The following KLHL1 variants were observed in gnomAD, a reference collection of about 807,000 sequenced individuals.
The protein encoded by KLHL1 is kelch like family member 1.
Under a neutral mutation model 77.7 loss-of-function variants are expected in KLHL1, and 47 were observed. The observed-to-expected ratio is 0.60, with a 90% CI of 0.48 to 0.77. KLHL1 has a LOEUF of 0.77. Ranked by LOEUF, KLHL1 falls within the 30% of genes least tolerant of loss-of-function variation. The pLI, the probability that KLHL1 is intolerant of heterozygous loss-of-function variation, is 0.00. For synonymous variants in KLHL1, 360 were observed against 325.2 expected (o/e 1.11, Z -1.15); for missense variants, 925 against 910.8 (o/e 1.02, Z -0.20).
intron 5 of KLHL1, among the ~76,000 whole-genome samples, chr13:69,872,851 C>T (rs906623308): frequency 4.0e-5 from 6 of 151,492 alleles, no homozygotes; most frequent in African/African-American, 1.5e-4. Context: ...AGGGACAGCA[C>T]CAGCCATTCA....
intron 5 of KLHL1, among the ~76,000 whole-genome samples, chr13:69,845,651 A>G (rs2138121971): frequency 6.6e-6 from 1 of 151,764 alleles, no homozygotes; most frequent in Non-Finnish European, 1.5e-5. Context: ...CACACAAAAA[A>G]TGAGATACTG....
At chr13:69,711,393 A>G (rs1456389631) in intron 9 of KLHL1, among the ~76,000 whole-genome samples, 1 of 152,126 alleles carries the variant, frequency 6.6e-6, no homozygotes. Context: ...AAAGAATGGC[A>G]CATAGATTTC....
intron 1 of KLHL1, among the ~76,000 whole-genome samples, chr13:70,071,374 G>A (rs1887133823): frequency 6.6e-6 from 1 of 151,976 alleles, no homozygotes; most frequent in Non-Finnish European, 1.5e-5. Flanking sequence ...AAAACTGACA[G>A]AACTCCAAGG....
chr13:69,712,771 T>G (rs1174451654), intron 9 of KLHL1, among the ~76,000 whole-genome samples: 34 of 134,554 alleles, frequency 2.5e-4, no homozygotes, highest in Middle Eastern at 3.5e-3. Context: ...TTTTTTTTTT[T>G]TGGGGGGGGG....
At chr13:69,835,949 GA>G (rs1878970501) in intron 6 of KLHL1, among the ~76,000 whole-genome samples, 1 of 152,030 alleles carries the variant, frequency 6.6e-6, no homozygotes, top group African/African-American at 2.4e-5. Context: ...AAACATGATG[GA>G]TTAGTTTGTA....
At chr13:69,965,331 T>C (rs1884181943) in intron 2 of KLHL1, among the ~76,000 whole-genome samples, 1 of 152,228 alleles carries the variant, frequency 6.6e-6, no homozygotes, top group African/African-American at 2.4e-5. Flanking sequence ...TTTATTGTTA[T>C]GTCTGTTACA....
At chr13:70,095,619 A>G (rs1887770763) in intron 1 of KLHL1, among the ~76,000 whole-genome samples, 1 of 152,170 alleles carries the variant, frequency 6.6e-6, no homozygotes, top group Non-Finnish European at 1.5e-5. Context: ...ATAATATGTA[A>G]TGATCAAATC....
intron 1 of KLHL1, among the ~76,000 whole-genome samples, chr13:70,029,262 A>G (rs1405196146): frequency 2.6e-5 from 4 of 152,114 alleles, no homozygotes; most frequent in Non-Finnish European, 5.9e-5. Flanking sequence ...ATGGCTGAAT[A>G]TATGGGCAGA....
intron 7 of KLHL1, among the ~76,000 whole-genome samples, chr13:69,743,537 C>T (rs1006866349): frequency 6.6e-6 from 1 of 152,144 alleles, no homozygotes; most frequent in African/African-American, 2.4e-5. Flanking sequence ...GTAATCCTGA[C>T]ACTTTGAGAG....
At chr13:69,724,373 T>C (rs1247625868) in intron 8 of KLHL1, among the ~76,000 whole-genome samples, 2 of 152,098 alleles carry the variant, frequency 1.3e-5, no homozygotes, top group African/African-American at 4.8e-5. Context: ...ACTTTCTAAA[T>C]TGACTGACAC....
chr13:69,723,579 AAAGGC>A (rs1162316400), intron 8 of KLHL1, among the ~76,000 whole-genome samples: 1 of 152,080 alleles, frequency 6.6e-6, no homozygotes, highest in East Asian at 1.9e-4. Context: ...CCTCTTGGCC[AAAGGC>A]ACTCTCGAGT....
chr13:69,924,606 C>G (rs1882753379), intron 4 of KLHL1, among the ~76,000 whole-genome samples: 1 of 152,180 alleles, frequency 6.6e-6, no homozygotes, highest in African/African-American at 2.4e-5. Flanking sequence ...ATCCACATAC[C>G]TCCTTCTTCC....
intron 1 of KLHL1, among the ~76,000 whole-genome samples, chr13:69,981,650 A>G (rs762884220): frequency 6.6e-6 from 1 of 152,028 alleles, no homozygotes; most frequent in Non-Finnish European, 1.5e-5. Flanking sequence ...TTTAAAAAAT[A>G]TTTTTGAGTA....
At chr13:70,032,958 A>T (rs1270046803) in intron 1 of KLHL1, among the ~76,000 whole-genome samples, 1 of 152,080 alleles carries the variant, frequency 6.6e-6, no homozygotes, top group Non-Finnish European at 1.5e-5. Flanking sequence ...TTAGTTTTTG[A>T]TCATAGATAT....
chr13:69,786,663 T>C (rs1876566742), intron 7 of KLHL1, among the ~76,000 whole-genome samples: 1 of 152,114 alleles, frequency 6.6e-6, no homozygotes, highest in Non-Finnish European at 1.5e-5. Flanking sequence ...CCAGGTCAAT[T>C]AGGCAGGAGA....
At chr13:70,102,588 A>T (rs1332225375) in intron 1 of KLHL1, among the ~76,000 whole-genome samples, 1 of 152,184 alleles carries the variant, frequency 6.6e-6, no homozygotes, top group African/African-American at 2.4e-5. Flanking sequence ...AGCATAGAGA[A>T]ATAAGATTGG....
At position 69,906,127 on chromosome 13, in the gene KLHL1, C is replaced by T. The variant is rs563989423; in HGVS notation, c.1015-23632G>A. 1.6e-3 allele frequency among the ~76,000 whole-genome samples: 241 copies of T among 152,126 alleles called. 3 individuals are homozygous for T. The highest frequency in any genetic ancestry group is 5.6e-3 in the African/African-American group (232 of 41,552). ...TATACACTTTATTTCCTTCTCAATA[C>T]CGCATGAGAACTATTCACTTATTAA... is the stretch of plus-strand genomic sequence containing the variant. On this transcript the variant is annotated intron_variant, in intron 4 of 10. Coordinates refer to ENST00000377844, the MANE Select transcript of KLHL1 (RefSeq NM_020866.3).
At chr13:69,813,971 G>A (rs542653129) in intron 6 of KLHL1, among the ~76,000 whole-genome samples, 2 of 152,204 alleles carry the variant, frequency 1.3e-5, no homozygotes, top group South Asian at 4.1e-4. Flanking sequence ...AAAGTTGGAG[G>A]CATCACATTA....
At chr13:69,860,851 A>AT (rs1172426406) in intron 5 of KLHL1, among the ~76,000 whole-genome samples, 2 of 151,436 alleles carry the variant, frequency 1.3e-5, no homozygotes, top group African/African-American at 4.9e-5. Context: ...AGAATTACAT[A>AT]TTTAAAAAAA....
Sources: gnomAD v4.1 joint callset for allele counts (sites outside exome capture counted in the v4.1 genomes callset) on GRCh38, gnomAD v4.1.1 for gene constraint, MANE v1.5 for transcripts, NCBI Gene and HGNC (gene_info 2026-07-23, HGNC 2026-07-21) for gene names.